The following PELI1 variants were observed in gnomAD, a reference collection of about 807,000 sequenced individuals.
PELI1 encodes the protein E3 ubiquitin-protein ligase pellino homolog 1.
In PELI1, 15 loss-of-function variants were observed where a neutral mutation model predicts 41.3. The observed-to-expected ratio is 0.36, with a 90% CI of 0.24 to 0.56. PELI1 has a LOEUF of 0.56. PELI1 is among the 20% of genes least tolerant of loss of function. PELI1 has a pLI of 0.82. For synonymous variants in PELI1, 178 were observed against 180.1 expected, an observed-to-expected ratio of 0.99 and a Z score of 0.09; for missense variants, 403 against 525.5, an observed-to-expected ratio of 0.77 and a Z score of 2.28.
chr2:64,112,781 G>A (rs2103699976), intron 1 of PELI1, among the ~76,000 whole-genome samples: 1 of 151,882 alleles, frequency 6.6e-6, no homozygotes, highest in African/African-American at 2.4e-5. Context: ...ATATACAACT[G>A]GCCTTATTAA....
chr2:64,106,642 C>T (rs1390005457), intron 2 of PELI1, among the ~76,000 whole-genome samples: 2 of 152,180 alleles, frequency 1.3e-5, no homozygotes, highest in African/African-American at 2.4e-5. Context: ...CTTAGATGAT[C>T]TTATCTGTCA....
At chr2:64,137,960 T>A (rs1681772847) in intron 1 of PELI1, among the ~76,000 whole-genome samples, 2 of 152,306 alleles carry the variant, frequency 1.3e-5, no homozygotes, top group East Asian at 3.9e-4. Context: ...AAGACTTATT[T>A]TAGATAAGTG....
intron 3 of PELI1, among the ~76,000 whole-genome samples, chr2:64,101,727 A>G (rs925608050): frequency 1.3e-5 from 2 of 152,188 alleles, no homozygotes; most frequent in African/African-American, 4.8e-5. Context: ...TTCCAAATAT[A>G]CAAAGAGAAT....
At chr2:64,106,247 T>C (rs1680617298) in intron 2 of PELI1, 1 of 152,206 alleles carries the variant, frequency 6.6e-6, no homozygotes, top group Admixed American at 6.5e-5. Context: ...GTTCCTGTAG[T>C]TCAAAGCTCT....
rs1250123733 is a variant in PELI1, at chr2:64,107,682, A to AT, written c.71+557dup. Among the ~76,000 whole-genome samples, 833 of 145,256 alleles carry AT rather than the reference A, an allele frequency of 5.7e-3. 1 individual carries two copies. The highest frequency in any genetic ancestry group is 8.7e-3 in the African/African-American group (348 of 39,920). On this transcript the variant is annotated intron_variant, in intron 2 of 6. Transcript: ENST00000358912. ...TAAATAACATTTTTCATTTCATTTC[A>AT]TTTTTTTTTTTTTGAGACAGAGTCT...
chr2:64,132,312 T>A (rs968781975), intron 1 of PELI1, among the ~76,000 whole-genome samples: 4 of 152,190 alleles, frequency 2.6e-5, no homozygotes, highest in African/African-American at 9.6e-5. Context: ...ACTTTTCAAG[T>A]GCTAACACAA....
intron 1 of PELI1, 40 bp from the exon 2 acceptor site, chr2:64,108,419 G>A (rs1424517219): frequency 2.8e-6 from 2 of 707,184 alleles, no homozygotes; most frequent in Non-Finnish European, 2.5e-6. Flanking sequence ...TGAACAATTC[G>A]TTTCAGTTTA....
At position 64,093,967 on chromosome 2, in the gene PELI1, T is replaced by C. The variant is rs1202164463; in HGVS notation, c.*735A>G. 3 of 152,658 alleles carry C rather than the reference T, an allele frequency of 2.0e-5. No individual in the cohort carries two copies. Among genetic ancestry groups the C allele is most frequent in the Non-Finnish European group, 4.4e-5 (3 of 68,024 alleles). The allele number at this position is 152,658 out of a possible 1,614,324, so 9.5% of individuals were successfully genotyped here. A position where few individuals can be genotyped will look rare whatever the true frequency, so the allele number is the denominator to read the frequency against. On this transcript the variant is annotated 3_prime_UTR_variant, in exon 7 of 7. Coordinates refer to ENST00000358912, the MANE Select transcript of PELI1 (RefSeq NM_020651.4). ...GGAGCATATAAAATGTTTCTTAGCA[T>C]TAAGTTTTTGTTATAGTACTACGCT...
At chr2:64,114,630 G>T (rs770328024) in intron 1 of PELI1, among the ~76,000 whole-genome samples, 25 of 152,164 alleles carry the variant, frequency 1.6e-4, no homozygotes, top group Non-Finnish European at 3.4e-4. Flanking sequence ...TGATGGAAAA[G>T]GAGTTAACAT....
intron 1 of PELI1, among the ~76,000 whole-genome samples, chr2:64,110,247 GAAAAAAAAAAAA>G (rs796716135): frequency 7.9e-5 from 8 of 100,798 alleles, no homozygotes; most frequent in African/African-American, 2.6e-4. Flanking sequence ...TCCGTCTCAA[GAAAAAAAAAAAA>G]AAAAAAAAAG....
chr2:64,101,339 A>C (rs1680424446), intron 3 of PELI1, among the ~76,000 whole-genome samples: 1 of 152,092 alleles, frequency 6.6e-6, no homozygotes, highest in East Asian at 1.9e-4. Context: ...TAAAAAAAAA[A>C]AACAAAAGAA....
chr2:64,140,548 T>TA (rs1417662464), intron 1 of PELI1, among the ~76,000 whole-genome samples: 1 of 152,054 alleles, frequency 6.6e-6, no homozygotes, highest in African/African-American at 2.4e-5. Context: ...TTTCTGAAGG[T>TA]AGGTAAGCTA....
At chr2:64,108,705 G>GT (rs1403417643) in intron 1 of PELI1, among the ~76,000 whole-genome samples, 1 of 152,182 alleles carries the variant, frequency 6.6e-6, no homozygotes, top group African/African-American at 2.4e-5. Context: ...GGCAGACTAA[G>GT]TAAGGGACCT....
Position 64,104,694 on chromosome 2 carries a change from T to C in PELI1, c.201+7A>G. 1.3e-6 allele frequency: 2 copies of C among 1,557,546 alleles called. No homozygotes were observed. The highest frequency in any genetic ancestry group is 1.7e-6 in the Non-Finnish European group (2 of 1,161,454). On this transcript the variant is annotated splice_region_variant and intron_variant, in intron 3 of 6. Transcript: ENST00000358912. ...TAATTTATGTAGCTTTTTTTTTTTT[T>C]TTTTACCTTTGCAGCCTGAGGAGTA...
At chr2:64,118,412 C>T (rs1255327326) in intron 1 of PELI1, among the ~76,000 whole-genome samples, 2 of 152,152 alleles carry the variant, frequency 1.3e-5, no homozygotes, top group Non-Finnish European at 2.9e-5. Flanking sequence ...GGATCCAAAA[C>T]AATCATACAT....
chr2:64,128,226 T>A (rs1407247545), intron 1 of PELI1, among the ~76,000 whole-genome samples: 1 of 152,170 alleles, frequency 6.6e-6, no homozygotes, highest in African/African-American at 2.4e-5. Context: ...AGTAAACATT[T>A]ATGGAGTGCC....
At chr2:64,115,287 T>A (rs1680956974) in intron 1 of PELI1, among the ~76,000 whole-genome samples, 1 of 152,190 alleles carries the variant, frequency 6.6e-6, no homozygotes, top group African/African-American at 2.4e-5. Context: ...TAGATAAGTA[T>A]CTTCTGGACT....
chr2:64,098,805 T>C (rs1680326962), intron 4 of PELI1, among the ~76,000 whole-genome samples: 1 of 152,206 alleles, frequency 6.6e-6, no homozygotes, highest in African/African-American at 2.4e-5. Flanking sequence ...GGCTAGTTTA[T>C]CAAGGTAGTT....
intron 1 of PELI1, among the ~76,000 whole-genome samples, chr2:64,128,784 C>G (rs17028484): frequency 0.023 from 3,469 of 152,232 alleles, 113 homozygotes; most frequent in African/African-American, 0.077. Context: ...TTAATATTTT[C>G]ACATAGTAAC....
Sources: gnomAD v4.1 joint callset for allele counts (sites outside exome capture counted in the v4.1 genomes callset) on GRCh38, gnomAD v4.1.1 for gene constraint, MANE v1.5 for transcripts, NCBI Gene and HGNC (gene_info 2026-07-23, HGNC 2026-07-21) for gene names.